Variants in PLCB1 observed in about 807,000 individuals in gnomAD.
PLCB1 encodes the protein phospholipase C beta 1.
PLCB1 carries 46 observed loss-of-function variants against 161.8 expected under a neutral mutation model. That is an observed-to-expected ratio of 0.28 (90% CI 0.22 to 0.36). PLCB1 has a LOEUF of 0.36. Among genes scored for constraint, PLCB1 ranks in the 10% least tolerant of loss-of-function variants. PLCB1 has a pLI of 1.00. For missense variants in PLCB1, 1,016 were observed against 1,472.5 expected (o/e 0.69, Z 5.07); for synonymous variants, 517 against 503.7 (o/e 1.03, Z -0.35).
intron 4 of PLCB1, among the ~76,000 whole-genome samples, chr20:8,638,339 T>C (rs1396265770): frequency 6.6e-6 from 1 of 151,926 alleles, no homozygotes; most frequent in African/African-American, 2.4e-5. Context: ...TTGCTTGAGA[T>C]TGTAGAGGTG....
At position 8,722,328 on chromosome 20, in the gene PLCB1, G is replaced by C. The variant is rs1298515793; in HGVS notation, c.1514-26G>C. On this transcript the variant is annotated intron_variant, in intron 14 of 31. Coordinates refer to ENST00000338037, the MANE Select transcript of PLCB1 (RefSeq NM_015192.4). Reference sequence around the variant, plus strand: ...AAGCTAAATGTTGAAATGGTGACATGATGATCTGTTATTAAAATTTGACAG... The same window carrying C: ...AAGCTAAATGTTGAAATGGTGACATCATGATCTGTTATTAAAATTTGACAG... The C allele has an allele frequency of 3.8e-6, 6 of 1,562,714 alleles. No individual in the cohort carries two copies. The Admixed American group carries it at 8.6e-5, about 22-fold the overall frequency.
At chr20:8,796,685 A>G (rs549057137) in intron 31 of PLCB1, among the ~76,000 whole-genome samples, 52 of 152,268 alleles carry the variant, frequency 3.4e-4, no homozygotes, top group African/African-American at 1.2e-3. Context: ...AAATATAGTT[A>G]TGCCTTATTT....
intron 2 of PLCB1, among the ~76,000 whole-genome samples, chr20:8,361,873 C>A (rs935378536): frequency 6.6e-6 from 1 of 152,134 alleles, no homozygotes. Context: ...TATCAAAAGA[C>A]CTTTTATGAA....
chr20:8,755,936 C>T (rs886545480), intron 23 of PLCB1, among the ~76,000 whole-genome samples: 1 of 152,196 alleles, frequency 6.6e-6, no homozygotes, highest in South Asian at 2.1e-4. Context: ...GGCAGGTGTC[C>T]TCACAGAAGT....
At chr20:8,371,099 A>T (rs2122342367) in intron 2 of PLCB1, 2 of 353,804 alleles carry the variant, frequency 5.7e-6, no homozygotes, top group Non-Finnish European at 1.0e-5. Flanking sequence ...TAAGAACAAG[A>T]AGACCTGATT....
chr20:8,561,694 G>C (rs991020299), intron 3 of PLCB1, among the ~76,000 whole-genome samples: 1 of 151,946 alleles, frequency 6.6e-6, no homozygotes, highest in Non-Finnish European at 1.5e-5. Flanking sequence ...TTTGCATGAG[G>C]ATTAAATTTC....
At chr20:8,313,003 T>C (rs1214896281) in intron 2 of PLCB1, among the ~76,000 whole-genome samples, 2 of 152,222 alleles carry the variant, frequency 1.3e-5, no homozygotes, top group African/African-American at 2.4e-5. Flanking sequence ...TGTATATTTG[T>C]ATTTAATAAA....
chr20:8,134,867 T>TA lies in PLCB1; in HGVS notation c.99+2117_99+2118insA, dbSNP rs2051330220. Among the ~76,000 whole-genome samples the TA allele has an allele frequency of 2.0e-5, 3 of 151,234 alleles. No individual in the cohort carries two copies. The South Asian group carries it at 6.3e-4, about 32-fold the overall frequency. ...AGACCAGAAGAATTTCAGGTCTTTT[T>TA]TAAAAAAAAAAAAAAAACCTAGACT... On this transcript the variant is annotated intron_variant, in intron 1 of 31. Transcript: ENST00000338037.
intron 29 of PLCB1, among the ~76,000 whole-genome samples, 171 bp from the exon 30 acceptor site, chr20:8,789,347 C>T (rs1983640004): frequency 6.6e-6 from 1 of 152,042 alleles, no homozygotes; most frequent in African/African-American, 2.4e-5. Context: ...CCACTGCACT[C>T]TACCATGGGC....
Position 8,840,329 on chromosome 20 carries a change from A to G in PLCB1, c.3424-41293A>G, listed in dbSNP as rs1468609700. 2.0e-5 allele frequency among the ~76,000 whole-genome samples: 3 copies of G among 152,170 alleles called. No homozygotes were observed. The East Asian group carries it at 5.8e-4, about 29-fold the overall frequency. On this transcript the variant is annotated intron_variant, in intron 31 of 31. Coordinates refer to ENST00000338037, the MANE Select transcript of PLCB1 (RefSeq NM_015192.4). ...AAGGGCACAGTCTCTGCTTTTAGTA[A>G]TCTCACTAGGGCAATATAGCCAAGT...
At chr20:8,843,623 A>G (rs1986587109) in intron 31 of PLCB1, among the ~76,000 whole-genome samples, 1 of 151,946 alleles carries the variant, frequency 6.6e-6, no homozygotes, top group South Asian at 2.1e-4. Context: ...TGTATAATAT[A>G]TATATTTTAA....
At chr20:8,475,690 T>A (rs1982247790) in intron 3 of PLCB1, among the ~76,000 whole-genome samples, 1 of 152,194 alleles carries the variant, frequency 6.6e-6, no homozygotes, top group South Asian at 2.1e-4. Context: ...CATGGACTAT[T>A]TGGTAGATAT....
In PLCB1 at chr20:8,312,698, G is replaced by A. The variant is rs111551593; in HGVS notation, c.178-58684G>A. 6.6e-5 allele frequency among the ~76,000 whole-genome samples: 10 copies of A among 152,210 alleles called. 2 individuals are homozygous for A. Among genetic ancestry groups the A allele is most frequent in the African/African-American group, 1.7e-4 (7 of 41,530 alleles). On this transcript the variant is annotated intron_variant, in intron 2 of 31. Coordinates refer to ENST00000338037, the MANE Select transcript of PLCB1 (RefSeq NM_015192.4). ...ATTTTGCTCTTCTTAAAAGGGCATC[G>A]TTTACACCCATTCCATCTGTAGAAC...
intron 23 of PLCB1, among the ~76,000 whole-genome samples, chr20:8,755,858 G>T (rs892811844): frequency 1.3e-5 from 2 of 152,210 alleles, no homozygotes; most frequent in African/African-American, 4.8e-5. Flanking sequence ...GTTTTCAGAT[G>T]ATTAGCCTTG....
At chr20:8,739,204 T>A in intron 20 of PLCB1, 57 bp from the exon 21 acceptor site, 1 of 1,021,004 alleles carries the variant, frequency 9.8e-7, no homozygotes, top group East Asian at 2.4e-5. Flanking sequence ...ACCTTTCTAA[T>A]TATTTCTTGG....
chr20:8,373,690 A>G (rs989132232), intron 3 of PLCB1, among the ~76,000 whole-genome samples: 2 of 152,206 alleles, frequency 1.3e-5, no homozygotes, highest in African/African-American at 2.4e-5. Flanking sequence ...TATTGTTGGT[A>G]GTAACATTGT....
At chr20:8,411,402 A>G (rs1979037083) in intron 3 of PLCB1, among the ~76,000 whole-genome samples, 2 of 152,224 alleles carry the variant, frequency 1.3e-5, no homozygotes, top group South Asian at 2.1e-4. Flanking sequence ...ATTTTAAAAT[A>G]TATGTATAAC....
At chr20:8,504,633 T>C (rs1983558521) in intron 3 of PLCB1, among the ~76,000 whole-genome samples, 1 of 152,140 alleles carries the variant, frequency 6.6e-6, no homozygotes, top group Non-Finnish European at 1.5e-5. Context: ...CTTTCGCTTA[T>C]ATTTTCCTCT....
chr20:8,589,438 A>G (rs1461707115), intron 3 of PLCB1, among the ~76,000 whole-genome samples: 1 of 152,044 alleles, frequency 6.6e-6, no homozygotes, highest in Admixed American at 6.6e-5. Context: ...GCTTACAAAC[A>G]ACACAAATTT....
Sources: gnomAD v4.1 joint callset for allele counts (sites outside exome capture counted in the v4.1 genomes callset) on GRCh38, gnomAD v4.1.1 for gene constraint, MANE v1.5 for transcripts, NCBI Gene and HGNC (gene_info 2026-07-23, HGNC 2026-07-21) for gene names.